The following RARB variants were observed in gnomAD, a reference collection of about 807,000 sequenced individuals.
RARB encodes the protein HBV-activated protein.
RARB carries 17 observed loss-of-function variants against 51.9 expected under a neutral mutation model. The observed-to-expected ratio is 0.33, with a 90% confidence interval of 0.22 to 0.49. The LOEUF is 0.49. Ranked by LOEUF, RARB falls within the 20% of genes least tolerant of loss-of-function variation. The pLI, the probability that RARB is intolerant of heterozygous loss-of-function variation, is 0.99. For synonymous variants in RARB, 215 were observed against 195.4 expected, an observed-to-expected ratio of 1.10 and a Z score of -0.84; for missense variants, 369 against 550.8, an observed-to-expected ratio of 0.67 and a Z score of 3.30.
intron 5 of RARB, among the ~76,000 whole-genome samples, chr3:25,330,540 G>T (rs907562239): frequency 6.6e-6 from 1 of 152,112 alleles, no homozygotes; most frequent in Non-Finnish European, 1.5e-5. Flanking sequence ...GGAACAACCA[G>T]TACCAGCCAC....
At chr3:24,887,274 AAAT>A (rs1423285302) in intron 2 of RARB, among the ~76,000 whole-genome samples, 2 of 152,254 alleles carry the variant, frequency 1.3e-5, no homozygotes, top group Non-Finnish European at 2.9e-5. Context: ...TTACAATAGA[AAAT>A]AATTTTCTAT....
intron 5 of RARB, among the ~76,000 whole-genome samples, chr3:25,273,517 TC>T (rs1703302039): frequency 6.6e-6 from 1 of 152,176 alleles, no homozygotes; most frequent in Non-Finnish European, 1.5e-5. Flanking sequence ...GGCCCATACT[TC>T]AAGGTGCTGT....
At chr3:25,152,408 A>G (rs551751238) in intron 4 of RARB, among the ~76,000 whole-genome samples, 1 of 152,190 alleles carries the variant, frequency 6.6e-6, no homozygotes, top group African/African-American at 2.4e-5. Context: ...CTTGGGTCCA[A>G]AGAGGGTTTA....
At chr3:25,280,071 A>G (rs557384086) in intron 5 of RARB, among the ~76,000 whole-genome samples, 6 of 152,320 alleles carry the variant, frequency 3.9e-5, no homozygotes, top group African/African-American at 1.4e-4. Flanking sequence ...TAAATGTTTT[A>G]TGTGACACAG....
chr3:25,508,894 TA>T (rs11369682), intron 3 of RARB, among the ~76,000 whole-genome samples: 7,853 of 146,548 alleles, frequency 0.054, 208 homozygotes, highest in Non-Finnish European at 0.07. Flanking sequence ...TTAGGAGATT[TA>T]AAAAAAAAAA....
At chr3:25,536,061 C>G (rs957397097) in intron 3 of RARB, among the ~76,000 whole-genome samples, 2 of 152,140 alleles carry the variant, frequency 1.3e-5, no homozygotes, top group African/African-American at 4.8e-5. Flanking sequence ...CCAAGTTTCC[C>G]CATCCACTCT....
In RARB at chr3:24,980,106, G is replaced by C. The variant is rs112753241; in HGVS notation, c.-379-80019G>C. On this transcript the variant is annotated intron_variant, in intron 2 of 11. Transcript: ENST00000383772. The stretch of plus-strand genomic sequence containing the variant: ...ATGTCGAATATTGGCCCCCACTCTC[G>C]TCTTGTTTGTAGGGTTTCTGCAAAG... Among the ~76,000 whole-genome samples the C allele has an allele frequency of 7.6e-3, 1,161 of 152,152 alleles. 13 individuals are homozygous for C. Among genetic ancestry groups the C allele is most frequent in the African/African-American group, 0.026 (1,087 of 41,528 alleles).
chr3:25,208,227 A>C (rs1231312176), intron 5 of RARB, among the ~76,000 whole-genome samples: 1 of 152,304 alleles, frequency 6.6e-6, no homozygotes, highest in Non-Finnish European at 1.5e-5. Flanking sequence ...GGGACATCCA[A>C]ACTATATTAG....
intron 5 of RARB, among the ~76,000 whole-genome samples, chr3:25,183,502 G>T (rs930612226): frequency 7.2e-5 from 11 of 152,000 alleles, no homozygotes; most frequent in African/African-American, 2.4e-4. Flanking sequence ...AACCCTGCAG[G>T]ATTACTCATC....
chr3:24,885,016 G>T (rs946039079), intron 2 of RARB, among the ~76,000 whole-genome samples: 1 of 152,140 alleles, frequency 6.6e-6, no homozygotes, highest in African/African-American at 2.4e-5. Flanking sequence ...TCCAGGCGAA[G>T]AATATTAGAA....
In RARB at chr3:25,125,447, C is replaced by T. The variant is rs112864298; in HGVS notation, c.-327-6714C>T. Among the ~76,000 whole-genome samples the T allele has an allele frequency of 9.6e-3, 1,455 of 152,164 alleles. 20 individuals are homozygous for T. The highest frequency in any genetic ancestry group is 0.012 in the Non-Finnish European group (796 of 68,022). ...CAAATAAAGACACACAAAATTGCAGCGTGTCTTAAGTGCTATGAAAGGAAA... is the reference window on the plus strand; with the variant it reads ...CAAATAAAGACACACAAAATTGCAGTGTGTCTTAAGTGCTATGAAAGGAAA... On this transcript the variant is annotated intron_variant, in intron 3 of 11. Coordinates refer to the RARB transcript ENST00000383772.
intron 3 of RARB, among the ~76,000 whole-genome samples, chr3:25,566,470 A>G (rs1373980071): frequency 6.6e-6 from 1 of 152,198 alleles, no homozygotes; most frequent in African/African-American, 2.4e-5. Flanking sequence ...AATTGGGCCC[A>G]AAGCACAGAA....
intron 5 of RARB, among the ~76,000 whole-genome samples, chr3:25,239,047 C>A (rs1256755588): frequency 1.3e-5 from 2 of 152,146 alleles, no homozygotes; most frequent in Non-Finnish European, 2.9e-5. Context: ...TTGTATTTCC[C>A]TGATGATTAG....
rs145565997 is a variant in RARB, at chr3:24,914,951, T to A, written c.-380+56199T>A. ...GTTGAGCTTCCTAAAGTGAATATAATACCTTGACTTTGCAGGATGGACCCA... is the reference window on the plus strand; with the variant it reads ...GTTGAGCTTCCTAAAGTGAATATAAAACCTTGACTTTGCAGGATGGACCCA... On this transcript the variant is annotated intron_variant, in intron 2 of 11. Coordinates refer to the RARB transcript ENST00000383772. Among the ~76,000 whole-genome samples the A allele has an allele frequency of 2.0e-3, 302 of 152,320 alleles. 1 individual carries two copies. Among genetic ancestry groups the A allele is most frequent in the Admixed American group, 5.9e-3 (90 of 15,304 alleles).
At chr3:25,550,622 A>C (rs1699808712) in intron 3 of RARB, among the ~76,000 whole-genome samples, 1 of 152,220 alleles carries the variant, frequency 6.6e-6, no homozygotes, top group East Asian at 1.9e-4. Context: ...TTTAAAATTT[A>C]ATTTCATTTT....
chr3:25,527,812 A>T (rs1698719787), intron 3 of RARB, among the ~76,000 whole-genome samples: 1 of 152,162 alleles, frequency 6.6e-6, no homozygotes, highest in Non-Finnish European at 1.5e-5. Flanking sequence ...GCTTCTATGG[A>T]TTTAAGAGAA....
At chr3:25,345,638 C>G (rs1705366537) in intron 5 of RARB, among the ~76,000 whole-genome samples, 2 of 140,472 alleles carry the variant, frequency 1.4e-5, no homozygotes, top group African/African-American at 2.8e-5. Flanking sequence ...GCACTCCAGC[C>G]TGGGTGACAG....
At chr3:25,163,510 T>A (rs879527868) in intron 4 of RARB, among the ~76,000 whole-genome samples, 12,069 of 43,398 alleles carry the variant, frequency 0.28, 838 homozygotes, top group South Asian at 0.44. Flanking sequence ...TCAAAATATA[T>A]ATATATATAT....
At chr3:25,279,649 T>C (rs1359819233) in intron 5 of RARB, among the ~76,000 whole-genome samples, 1 of 149,288 alleles carries the variant, frequency 6.7e-6, no homozygotes, top group Non-Finnish European at 1.5e-5. Context: ...AGGGAGAAAA[T>C]GGTAAAGAAA....
Sources: gnomAD v4.1 joint callset for allele counts (sites outside exome capture counted in the v4.1 genomes callset) on GRCh38, gnomAD v4.1.1 for gene constraint, MANE v1.5 for transcripts, NCBI Gene and HGNC (gene_info 2026-07-23, HGNC 2026-07-21) for gene names.